Variants in NCOA2 observed in about 807,000 individuals in gnomAD.
NCOA2 encodes the protein nuclear receptor coactivator 2, also known as class E basic helix-loop-helix protein 75.
Under a neutral mutation model 145.1 loss-of-function variants are expected in NCOA2, and 21 were observed. That is an observed-to-expected ratio of 0.14 (90% CI 0.10 to 0.21). The LOEUF is 0.21. NCOA2 is among the 10% of genes least tolerant of loss of function. The pLI is 1.00. For synonymous variants in NCOA2, 619 were observed against 637.5 expected, an observed-to-expected ratio of 0.97 and a Z score of 0.44; for missense variants, 1,472 against 1,837.6, an observed-to-expected ratio of 0.80 and a Z score of 3.64.
intron 4 of NCOA2, among the ~76,000 whole-genome samples, chr8:70,198,395 C>G (rs1192557142): frequency 2.0e-5 from 3 of 152,126 alleles, no homozygotes; most frequent in Admixed American, 6.5e-5. Flanking sequence ...GAGCAGGAGA[C>G]AGCCTGGAAA....
intron 2 of NCOA2, among the ~76,000 whole-genome samples, chr8:70,295,433 A>G (rs889975610): frequency 6.6e-6 from 1 of 152,208 alleles, no homozygotes; most frequent in Non-Finnish European, 1.5e-5. Flanking sequence ...GGAGACGAGA[A>G]GCTGCCACAC....
intron 1 of NCOA2, among the ~76,000 whole-genome samples, chr8:70,396,379 A>G (rs1427364509): frequency 6.6e-6 from 1 of 152,102 alleles, no homozygotes; most frequent in African/African-American, 2.4e-5. Context: ...TGCAAAATAC[A>G]CTCCCTACTC....
chr8:70,223,233 C>G (rs761803920), intron 2 of NCOA2, among the ~76,000 whole-genome samples: 1 of 152,200 alleles, frequency 6.6e-6, no homozygotes, highest in Non-Finnish European at 1.5e-5. Context: ...AGTTTCATAA[C>G]TTGTCCAGAC....
At chr8:70,296,393 G>A (rs949409379) in intron 2 of NCOA2, among the ~76,000 whole-genome samples, 3 of 152,024 alleles carry the variant, frequency 2.0e-5, no homozygotes, top group African/African-American at 7.2e-5. Flanking sequence ...TAAGAAATGA[G>A]AAATACCACC....
chr8:70,121,301 C>G lies in NCOA2; in HGVS notation c.4383+1G>C. On this transcript the variant is annotated splice_donor_variant, in intron 22 of 22. Transcript: ENST00000452400. LOFTEE classifies it high-confidence loss of function. ...TCATATATTTCACTGTTCTTTCTTACCCGTGTTGTGTCTCCCTCCTGCTTA... is the reference window on the plus strand; with the variant it reads ...TCATATATTTCACTGTTCTTTCTTAGCCGTGTTGTGTCTCCCTCCTGCTTA... 1.2e-6 allele frequency: 2 copies of G among 1,611,136 alleles called. No homozygotes were observed. Among genetic ancestry groups the G allele is most frequent in the Admixed American group, 1.7e-5 (1 of 59,784 alleles).
chr8:70,152,736 G>A (rs544985473), intron 11 of NCOA2, among the ~76,000 whole-genome samples: 5 of 152,212 alleles, frequency 3.3e-5, no homozygotes, highest in South Asian at 4.2e-4. Flanking sequence ...CACTCTGCTC[G>A]GTAAAAAATG....
intron 22 of NCOA2, among the ~76,000 whole-genome samples, chr8:70,120,246 A>G (rs1208744081): frequency 6.6e-6 from 1 of 152,198 alleles, no homozygotes; most frequent in Non-Finnish European, 1.5e-5. Flanking sequence ...AGAGCTACCT[A>G]CTGTGAAGGG....
chr8:70,365,447 C>T (rs1810607272), intron 1 of NCOA2, among the ~76,000 whole-genome samples: 1 of 152,192 alleles, frequency 6.6e-6, no homozygotes, highest in Non-Finnish European at 1.5e-5. Flanking sequence ...AAGGAATCTA[C>T]ATATAGCCAA....
chr8:70,234,298 T>A (rs1438188957), intron 2 of NCOA2, among the ~76,000 whole-genome samples: 1 of 152,228 alleles, frequency 6.6e-6, no homozygotes. Flanking sequence ...TTTTGGCTAT[T>A]ATGAATAATG....
the NCOA2 span, among the ~76,000 whole-genome samples, chr8:70,452,071 C>T: frequency 6.6e-6 from 1 of 152,238 alleles, no homozygotes; most frequent in East Asian, 1.9e-4. Context: ...GTCTCCCAGG[C>T]TCAGGTGATC....
At chr8:70,122,639 T>G (rs1807950271) in intron 21 of NCOA2, among the ~76,000 whole-genome samples, 1 of 152,226 alleles carries the variant, frequency 6.6e-6, no homozygotes, top group Non-Finnish European at 1.5e-5. Flanking sequence ...AAGTGTAAGT[T>G]ATTACTACAA....
intron 1 of NCOA2, among the ~76,000 whole-genome samples, chr8:70,359,717 TAACTC>T (rs1303261654): frequency 8.5e-5 from 13 of 152,208 alleles, no homozygotes; most frequent in African/African-American, 3.1e-4. Flanking sequence ...TCTATATTAT[TAACTC>T]AACTTCACCT....
chr8:70,157,272 T>C, intron 10 of NCOA2, 32 bp from the exon 11 acceptor site: 1 of 1,497,296 alleles, frequency 6.7e-7, no homozygotes, highest in Non-Finnish European at 8.9e-7. Context: ...AAATGTAAGA[T>C]AAAAGGAAAA....
In NCOA2 at chr8:70,198,735, A is replaced by T. The variant is rs115886192; in HGVS notation, c.259+15168T>A. 9.4e-3 allele frequency among the ~76,000 whole-genome samples: 1,432 copies of T among 152,328 alleles called. 23 individuals carry two copies. Among genetic ancestry groups the T allele is most frequent in the African/African-American group, 0.032 (1,334 of 41,566 alleles). On this transcript the variant is annotated intron_variant, in intron 4 of 22. Coordinates refer to ENST00000452400, the MANE Select transcript of NCOA2 (RefSeq NM_006540.4). ...GTAAAAGAGAAGGTGGCTGGAACTG[A>T]GGTTTCTAGCCTCGGTAAGGACAAA...
At chr8:70,315,888 G>C (rs190195769) in intron 1 of NCOA2, among the ~76,000 whole-genome samples, 5 of 152,326 alleles carry the variant, frequency 3.3e-5, no homozygotes, top group Admixed American at 2.0e-4. Flanking sequence ...AATCAGGAGG[G>C]CTGAGGACTG....
At chr8:70,176,086 A>G (rs1255122244) in intron 4 of NCOA2, among the ~76,000 whole-genome samples, 1 of 152,156 alleles carries the variant, frequency 6.6e-6, no homozygotes, top group Non-Finnish European at 1.5e-5. Context: ...GCTTCAATTT[A>G]CCTGTCTCCC....
Position 70,192,097 on chromosome 8 carries a change from G to A in NCOA2, c.260-17238C>T, listed in dbSNP as rs974026503. Reference sequence around the variant, plus strand: ...ATAAAAGACTGAAGACAACATGGGAGAGTTGAAACCAAGCTTTACATGTAT... The same window carrying A: ...ATAAAAGACTGAAGACAACATGGGAAAGTTGAAACCAAGCTTTACATGTAT... On this transcript the variant is annotated intron_variant, in intron 4 of 22. Transcript: ENST00000452400. Among the ~76,000 whole-genome samples the A allele has an allele frequency of 3.3e-5, 5 of 152,244 alleles. No homozygotes were observed. In the South Asian group the frequency reaches 6.2e-4, roughly 19 times the overall value.
At chr8:70,375,832 T>C (rs969637781) in intron 1 of NCOA2, among the ~76,000 whole-genome samples, 1 of 152,204 alleles carries the variant, frequency 6.6e-6, no homozygotes, top group Non-Finnish European at 1.5e-5. Context: ...ATTATATACA[T>C]GAAGCATACA....
chr8:70,203,164 G>T (rs1345048675), intron 4 of NCOA2, among the ~76,000 whole-genome samples: 1 of 149,566 alleles, frequency 6.7e-6, no homozygotes, highest in African/African-American at 2.5e-5. Context: ...TCAGGAGGCT[G>T]ACGCAGAAGA....
Sources: allele counts gnomAD v4.1 joint callset (sites outside exome capture counted in the v4.1 genomes callset), GRCh38; gene constraint gnomAD v4.1.1; transcripts MANE v1.5; gene names NCBI Gene and HGNC (gene_info 2026-07-23, HGNC 2026-07-21).